RASL11A: variants seen among roughly 807,000 people sequenced by gnomAD.
The protein encoded by RASL11A is ras-like protein family member 11A.
A neutral mutation model predicts 17.1 loss-of-function variants in RASL11A; 14 were observed. That is an observed-to-expected ratio of 0.82 (90% CI 0.54 to 1.28). The LOEUF is 1.28. RASL11A is among the 50% of genes most tolerant of loss of function. The pLI, the probability that RASL11A is intolerant of heterozygous loss-of-function variation, is 0.00. For synonymous variants in RASL11A, 146 were observed against 132.5 expected, an observed-to-expected ratio of 1.10 and a Z score of -0.70; for missense variants, 283 against 312.3, an observed-to-expected ratio of 0.91 and a Z score of 0.71.
chr13:27,270,836 C>T lies in RASL11A; in HGVS notation c.-109C>T, dbSNP rs1008338086. On this transcript the variant is annotated 5_prime_UTR_variant, in exon 1 of 4. Transcript: ENST00000241463. ...CGGGCCTTGACAGTTCTGCAGGCAG[C>T]CGCCGCGGTCCCGGACCTCTAGTCC... is the stretch of plus-strand genomic sequence containing the variant. 6.1e-5 allele frequency: 87 copies of T among 1,426,328 alleles called. No individual in the cohort carries two copies. The highest frequency in any genetic ancestry group is 8.8e-5 in the African/African-American group (6 of 68,032). 88.4% of individuals were successfully genotyped at this position (1,426,328 alleles called of 1,614,324 possible). A position where few individuals can be genotyped will look rare whatever the true frequency, so the allele number is the denominator to read the frequency against.
In RASL11A at chr13:27,270,953, G is replaced by A. The variant is rs748794891; in HGVS notation, c.9G>A (p.Pro3=). 9 of 1,593,664 alleles carry A rather than the reference G, an allele frequency of 5.6e-6. No homozygotes were observed. Among genetic ancestry groups the A allele is most frequent in the Admixed American group, 1.7e-5 (1 of 58,148 alleles). The change falls in exon 1 of 4, where the codon CCG becomes CCA. Residue 3 remains proline (P), a synonymous_variant. Coordinates refer to ENST00000241463, the MANE Select transcript of RASL11A (RefSeq NM_206827.2). ...ACCCCGGGACGCGCTCCATGCGGCC[G>A]CTCAGCATGTCCGGGCACTTTCTGC... MR[P]LSMSGHFLLA...
intron 1 of RASL11A, 85 bp downstream of exon 1, chr13:27,271,153 G>C (rs1882269654): frequency 4.7e-6 from 7 of 1,490,150 alleles, no homozygotes; most frequent in East Asian, 5.1e-5. Flanking sequence ...AGGGCGCCTC[G>C]GCCGAAGCAG....
chr13:27,271,797 C>T (rs566322626), intron 3 of RASL11A, 79 bp downstream of exon 3: 30 of 1,214,382 alleles, frequency 2.5e-5, no homozygotes, highest in Non-Finnish European at 3.5e-5. Context: ...GGCGCCCATG[C>T]TGGGCGCAGG....
chr13:27,270,969 C>T lies in RASL11A; in HGVS notation c.25C>T (p.His9Tyr). 6.3e-7 allele frequency: 1 copy of T among 1,597,372 alleles called. No individual in the cohort carries two copies. Among genetic ancestry groups the T allele is most frequent in the South Asian group, 1.1e-5 (1 of 88,124 alleles). ...CATGCGGCCGCTCAGCATGTCCGGGCACTTTCTGCTCGCACCCATCCCCGA... is the reference window on the plus strand; with the variant it reads ...CATGCGGCCGCTCAGCATGTCCGGGTACTTTCTGCTCGCACCCATCCCCGA... MRPLSMSG[H>Y]FLLAPIPESS... Residue 9 changes from histidine to tyrosine, a missense_variant, in exon 1 of 4, where the codon CAC becomes TAC. Transcript: ENST00000241463.
rs1341020715 is a variant in RASL11A, at chr13:27,273,427, A to G, written c.662A>G (p.Gln221Arg). Reference sequence around the variant, plus strand: ...CCTCGGCCCCGCTCTCCCAACATGCAGGACCTGAAGAGACGCTTCAAGCAG... The same window carrying G: ...CCTCGGCCCCGCTCTCCCAACATGCGGGACCTGAAGAGACGCTTCAAGCAG... ...IIPRPRSPNM[Q>R]DLKRRFKQAL... The change falls in exon 4 of 4, where the codon CAG (glutamine) becomes CGG (arginine). Residue 221 changes from glutamine (Q) to arginine (R), a missense_variant. Gln to Arg is a conservative substitution (Grantham distance 43). Coordinates refer to ENST00000241463, the MANE Select transcript of RASL11A (RefSeq NM_206827.2). 1.2e-6 allele frequency: 2 copies of G among 1,614,198 alleles called. No individual in the cohort carries two copies. Among genetic ancestry groups the G allele is most frequent in the South Asian group, 1.1e-5 (1 of 91,086 alleles).
At position 27,273,620 on chromosome 13, in the gene RASL11A, G is replaced by T; in HGVS notation, c.*126G>T. 1 of 515,926 alleles carries T rather than the reference G, an allele frequency of 1.9e-6. No individual in the cohort carries two copies. The highest frequency in any genetic ancestry group is 4.9e-5 in the East Asian group (1 of 20,410). 32.0% of individuals were successfully genotyped at this position (515,926 alleles called of 1,614,324 possible). A position where few individuals can be genotyped will look rare whatever the true frequency, so the allele number is the denominator to read the frequency against. The stretch of plus-strand genomic sequence containing the variant: ...AAAAAATTGATTTTCAAGTACATGT[G>T]TATTTCTGAAAATTCAAACAGTGAT... On this transcript the variant is annotated 3_prime_UTR_variant, in exon 4 of 4. Transcript: ENST00000241463.
chr13:27,272,975 T>C, intron 3 of RASL11A, 52 bp from the exon 4 acceptor site: 1 of 1,454,808 alleles, frequency 6.9e-7, no homozygotes, highest in Non-Finnish European at 9.6e-7. Context: ...GTTTTGAGTT[T>C]ATCTCCCACT....
chr13:27,271,749 C>A, intron 3 of RASL11A, 31 bp downstream of exon 3: 1 of 1,575,198 alleles, frequency 6.3e-7, no homozygotes, highest in Non-Finnish European at 8.7e-7. Context: ...ACAGCTCACC[C>A]CCACCCGTGA....
chr13:27,272,278 G>T (rs1296257711), intron 3 of RASL11A, among the ~76,000 whole-genome samples: 5 of 152,112 alleles, frequency 3.3e-5, no homozygotes, highest in Admixed American at 6.5e-5. Flanking sequence ...GCACCCGCCG[G>T]AACTCCCAGC....
Position 27,271,334 on chromosome 13 carries a change from C to T in RASL11A, c.125-150C>T, listed in dbSNP as rs559752873. ...GGTGTCCCGCCAGTCGTACTCGCGG[C>T]CAAGCCCGCGGCACCACGGCTTTGC... On this transcript the variant is annotated intron_variant, in intron 1 of 3. Coordinates refer to ENST00000241463, the MANE Select transcript of RASL11A (RefSeq NM_206827.2). The T allele has an allele frequency of 3.4e-6, 5 of 1,486,766 alleles. No individual in the cohort carries two copies. The African/African-American group carries it at 7.0e-5, about 21-fold the overall frequency. 92.1% of individuals were successfully genotyped at this position (1,486,766 alleles called of 1,614,324 possible).
chr13:27,271,263 G>A (rs1364477538), intron 1 of RASL11A, 195 bp downstream of exon 1: 7 of 1,448,674 alleles, frequency 4.8e-6, no homozygotes, highest in Admixed American at 2.7e-5. Flanking sequence ...TCTACTCCTG[G>A]GATCTCGGCG....
chr13:27,273,300 A>G lies in RASL11A; in HGVS notation c.535A>G (p.Ser179Gly), dbSNP rs1227516359. 1.2e-6 allele frequency: 2 copies of G among 1,614,102 alleles called. No individual in the cohort carries two copies. The highest frequency in any genetic ancestry group is 1.3e-5 in the African/African-American group (1 of 74,916). ...LGSLFLEIST[S>G]ENYEDVCDVF... ...CAGCCTGTTCCTTGAAATTTCCACT[A>G]GCGAAAACTACGAAGATGTCTGTGA... The change falls in exon 4 of 4, where the codon AGC (serine) becomes GGC (glycine). Residue 179 changes from serine to glycine, a missense_variant. Physicochemically the swap from Ser to Gly is moderately conservative, Grantham distance 56. Coordinates refer to ENST00000241463, the MANE Select transcript of RASL11A (RefSeq NM_206827.2).
chr13:27,271,308 A>T, intron 1 of RASL11A, 176 bp from the exon 2 acceptor site: 5 of 1,462,352 alleles, frequency 3.4e-6, no homozygotes, highest in Non-Finnish European at 4.5e-6. Context: ...GGTGCGGGAG[A>T]GGTGTCCCGC....
At chr13:27,272,566 A>G (rs1882328495) in intron 3 of RASL11A, among the ~76,000 whole-genome samples, 1 of 152,264 alleles carries the variant, frequency 6.6e-6, no homozygotes, top group South Asian at 2.1e-4. Context: ...CGTTCTCCAG[A>G]GGAAAGGTCT....
In RASL11A at chr13:27,273,217, T is replaced by G. The variant is rs1221884222; in HGVS notation, c.452T>G (p.Leu151Arg). 3.7e-6 allele frequency: 6 copies of G among 1,614,094 alleles called. No homozygotes were observed. The highest frequency in any genetic ancestry group is 5.1e-6 in the Non-Finnish European group (6 of 1,180,032). ...PVIIVGNKGDLLHARQVQTQD... is the reference protein window; with the variant it reads ...PVIIVGNKGDRLHARQVQTQD... ...ATCATCGTGGGCAACAAGGGGGACC[T>G]TTTGCATGCCCGGCAGGTGCAGACA... The change falls in exon 4 of 4, where the codon CTT becomes CGT. Residue 151 changes from leucine to arginine, a missense_variant. Transcript: ENST00000241463.
chr13:27,271,302 C>A, intron 1 of RASL11A, 182 bp from the exon 2 acceptor site: 1 of 1,459,488 alleles, frequency 6.9e-7, no homozygotes, highest in Non-Finnish European at 9.0e-7. Flanking sequence ...GGATGGGGTG[C>A]GGGAGAGGTG....
At chr13:27,272,948 A>G in intron 3 of RASL11A, 79 bp from the exon 4 acceptor site, 6 of 1,122,030 alleles carry the variant, frequency 5.3e-6, no homozygotes, top group Non-Finnish European at 7.9e-6. Context: ...TGTTTCTTCA[A>G]GGGTTGCCTT....
In RASL11A at chr13:27,273,336, C is replaced by T. The variant is rs568883094; in HGVS notation, c.571C>T (p.His191Tyr). ...CGAAGATGTCTGTGATGTGTTTCAG[C>T]ATCTCTGCAAAGAAGTGAGCAAGAT... The part of the protein sequence containing the change: ...NYEDVCDVFQ[H>Y]LCKEVSKMHG... The change falls in exon 4 of 4, where the codon CAT becomes TAT. Residue 191 changes from histidine (H) to tyrosine (Y), a missense_variant. Coordinates refer to ENST00000241463, the MANE Select transcript of RASL11A (RefSeq NM_206827.2). 26 of 1,614,190 alleles carry T rather than the reference C, an allele frequency of 1.6e-5. 1 individual carries two copies. In the South Asian group the frequency reaches 2.3e-4, roughly 14 times the overall value.
rs763360366 is a variant in RASL11A at position 27,272,878 on chromosome 13, C to T, written c.262-149C>T. On this transcript the variant is annotated intron_variant, in intron 3 of 3. Transcript: ENST00000241463. ...GAATCTGTTCTTTCCATATCAAAAGCCTGCTTCTGCAGAAGCTGGGTGGAA... is the reference window on the plus strand; with the variant it reads ...GAATCTGTTCTTTCCATATCAAAAGTCTGCTTCTGCAGAAGCTGGGTGGAA... 4 of 653,704 alleles carry T rather than the reference C, an allele frequency of 6.1e-6. No homozygotes were observed. The East Asian group carries it at 8.2e-5, about 13-fold the overall frequency. The allele number at this position is 653,704 out of a possible 1,614,324, so 40.5% of individuals were successfully genotyped here. A position where few individuals can be genotyped will look rare whatever the true frequency, so the allele number is the denominator to read the frequency against.
Sources: allele counts gnomAD v4.1 joint callset (sites outside exome capture counted in the v4.1 genomes callset), GRCh38; gene constraint gnomAD v4.1.1; transcripts MANE v1.5; gene names NCBI Gene and HGNC (gene_info 2026-07-23, HGNC 2026-07-21).